The following SLC35F2 variants were observed in gnomAD, a reference collection of about 807,000 sequenced individuals.
The protein encoded by SLC35F2 is queuine/queuosine transporter SLC35F2.
SLC35F2 carries 25 observed loss-of-function variants against 38.1 expected under a neutral mutation model. The observed-to-expected ratio is 0.66, with a 90% CI of 0.48 to 0.92. The LOEUF (loss-of-function observed/expected upper bound fraction) is 0.92, where lower values mean the gene tolerates loss of function less well. Ranked by LOEUF, SLC35F2 falls within the 40% of genes least tolerant of loss-of-function variation. The probability of loss-of-function intolerance (pLI) is 0.00; values close to 1 mark genes in which losing one functional copy is unlikely to be tolerated. For synonymous variants in SLC35F2, 173 were observed against 181.7 expected (o/e 0.95, Z 0.38); for missense variants, 409 against 452.9 (o/e 0.90, Z 0.88).
At chr11:107,815,719 G>A in intron 2 of SLC35F2, 71 bp downstream of exon 2, 1 of 1,497,438 alleles carries the variant, frequency 6.7e-7, no homozygotes, top group Non-Finnish European at 9.0e-7. Flanking sequence ...AGAATTTAGA[G>A]GTGTCATACT....
chr11:107,846,103 T>G (rs913658249), intron 1 of SLC35F2, among the ~76,000 whole-genome samples: 1 of 152,070 alleles, frequency 6.6e-6, no homozygotes, highest in Non-Finnish European at 1.5e-5. Context: ...CTATTTATAC[T>G]TTGACTACAA....
At chr11:107,837,096 G>T (rs1254911073) in intron 1 of SLC35F2, among the ~76,000 whole-genome samples, 1 of 152,082 alleles carries the variant, frequency 6.6e-6, no homozygotes, top group Non-Finnish European at 1.5e-5. Flanking sequence ...AACAAAAATT[G>T]AAAGTATAAA....
At chr11:107,854,102 CTA>C (rs1860238108) in intron 1 of SLC35F2, among the ~76,000 whole-genome samples, 1 of 152,044 alleles carries the variant, frequency 6.6e-6, no homozygotes, top group Non-Finnish European at 1.5e-5. Flanking sequence ...AAATTAGGAT[CTA>C]TGTGTCAGAA....
chr11:107,857,360 A>G (rs531678335), intron 1 of SLC35F2, among the ~76,000 whole-genome samples: 71 of 100,172 alleles, frequency 7.1e-4, no homozygotes, highest in African/African-American at 2.5e-3. Flanking sequence ...AAGGAAGGAG[A>G]GAGGGAGAGA....
chr11:107,855,989 T>TC (rs1860272785), intron 1 of SLC35F2, among the ~76,000 whole-genome samples: 1 of 148,254 alleles, frequency 6.7e-6, no homozygotes, highest in African/African-American at 2.5e-5. Context: ...CCTGTAATCC[T>TC]AGCTACTCAG....
intron 7 of SLC35F2, among the ~76,000 whole-genome samples, chr11:107,800,694 C>A (rs1164650564): frequency 5.9e-5 from 9 of 152,128 alleles, no homozygotes. Flanking sequence ...CCTCCCACTT[C>A]AGTCTCTCTC....
chr11:107,829,710 A>C (rs1859807422), intron 1 of SLC35F2, among the ~76,000 whole-genome samples: 1 of 151,532 alleles, frequency 6.6e-6, no homozygotes, highest in African/African-American at 2.4e-5. Flanking sequence ...CAGAGTTTTT[A>C]ACCTGGGGCA....
At chr11:107,795,132 A>G (rs1020768992) in intron 7 of SLC35F2, among the ~76,000 whole-genome samples, 3 of 152,214 alleles carry the variant, frequency 2.0e-5, no homozygotes, top group Admixed American at 1.3e-4. Context: ...CAATCTATAA[A>G]TTCAGTGCAA....
chr11:107,841,558 CAAAAA>C (rs59699944), intron 1 of SLC35F2, among the ~76,000 whole-genome samples: 3 of 95,514 alleles, frequency 3.1e-5, no homozygotes, highest in Non-Finnish European at 2.1e-5. Context: ...GACTCCAACT[CAAAAA>C]AAAAAAAAAA....
chr11:107,837,003 T>C (rs556643585), intron 1 of SLC35F2, among the ~76,000 whole-genome samples: 2 of 152,324 alleles, frequency 1.3e-5, no homozygotes, highest in South Asian at 4.1e-4. Context: ...CTACCTTGGA[T>C]TGAAACACTT....
intron 1 of SLC35F2, among the ~76,000 whole-genome samples, chr11:107,853,811 GA>G (rs36111672): frequency 6.6e-6 from 1 of 151,256 alleles, no homozygotes; most frequent in African/African-American, 2.4e-5. Context: ...TCATGCCCTT[GA>G]AAAGCTTATT....
intron 1 of SLC35F2, among the ~76,000 whole-genome samples, chr11:107,852,300 CCAACA>C (rs1305730137): frequency 6.6e-6 from 1 of 152,140 alleles, no homozygotes; most frequent in African/African-American, 2.4e-5. Context: ...GCCTGTAATC[CCAACA>C]CTTTGGGAGG....
intron 1 of SLC35F2, among the ~76,000 whole-genome samples, chr11:107,844,283 C>T (rs1247220165): frequency 6.6e-6 from 1 of 152,166 alleles, no homozygotes; most frequent in Non-Finnish European, 1.5e-5. Flanking sequence ...CCAACTTTCA[C>T]ATCTGTGAAA....
chr11:107,855,783 C>T (rs1860268159), intron 1 of SLC35F2, among the ~76,000 whole-genome samples: 1 of 148,830 alleles, frequency 6.7e-6, no homozygotes, highest in South Asian at 2.1e-4. Flanking sequence ...ATAAAACATA[C>T]CCGGATTCCA....
intron 1 of SLC35F2, among the ~76,000 whole-genome samples, chr11:107,837,809 C>A (rs1448620417): frequency 6.6e-6 from 1 of 152,092 alleles, no homozygotes; most frequent in Non-Finnish European, 1.5e-5. Context: ...TCCTCTTTTT[C>A]CATTTTCTAT....
intron 7 of SLC35F2, 114 bp downstream of exon 7, chr11:107,802,887 T>C (rs1026726940): frequency 6.3e-5 from 67 of 1,063,746 alleles, no homozygotes; most frequent in Non-Finnish European, 8.8e-5. Flanking sequence ...ACCAATGAAA[T>C]TCTTGCCAAG....
chr11:107,849,118 C>T (rs1860137646), intron 1 of SLC35F2, among the ~76,000 whole-genome samples: 1 of 152,006 alleles, frequency 6.6e-6, no homozygotes, highest in Admixed American at 6.6e-5. Context: ...GAATAAAAAA[C>T]CTATTTTTGT....
At chr11:107,836,480 T>G (rs1265344049) in intron 1 of SLC35F2, among the ~76,000 whole-genome samples, 1 of 152,234 alleles carries the variant, frequency 6.6e-6, no homozygotes, top group Non-Finnish European at 1.5e-5. Flanking sequence ...AAGGGACTTC[T>G]GTAGATGTGG....
At chr11:107,827,576 C>G (rs1420946248) in intron 1 of SLC35F2, among the ~76,000 whole-genome samples, 1 of 151,950 alleles carries the variant, frequency 6.6e-6, no homozygotes, top group South Asian at 2.1e-4. Context: ...TGGCGAAACC[C>G]CATCTCTACT....
Sources: allele counts gnomAD v4.1 joint callset (sites outside exome capture counted in the v4.1 genomes callset), GRCh38; gene constraint gnomAD v4.1.1; transcripts MANE v1.5; gene names NCBI Gene and HGNC (gene_info 2026-07-23, HGNC 2026-07-21).